The following EPHA5 variants were observed in gnomAD, a reference collection of about 807,000 sequenced individuals.
The protein encoded by EPHA5 is ephrin type-A receptor 5.
Under a neutral mutation model 105.0 loss-of-function variants are expected in EPHA5, and 60 were observed. That is an observed-to-expected ratio of 0.57 (90% CI 0.46 to 0.71). The LOEUF (loss-of-function observed/expected upper bound fraction) is 0.71. Among genes scored for constraint, EPHA5 ranks in the 30% least tolerant of loss-of-function variants. The pLI, the probability that EPHA5 is intolerant of heterozygous loss-of-function variation, is 0.00. For synonymous variants in EPHA5, 513 were observed against 449.1 expected (o/e 1.14, Z -1.80); for missense variants, 1,218 against 1,274.7 (o/e 0.96, Z 0.68).
intron 5 of EPHA5, among the ~76,000 whole-genome samples, chr4:65,437,807 AG>A (rs1304198650): frequency 6.6e-6 from 1 of 151,948 alleles, no homozygotes; most frequent in Non-Finnish European, 1.5e-5. Flanking sequence ...ACAATGTCAT[AG>A]GGATTTAATA....
At chr4:65,444,892 TAAAAAA>T (rs1429960167) in intron 5 of EPHA5, among the ~76,000 whole-genome samples, 7 of 152,014 alleles carry the variant, frequency 4.6e-5, no homozygotes, top group Non-Finnish European at 1.0e-4. Context: ...CCTGGGTACC[TAAAAAA>T]ATTGATATTT....
intron 3 of EPHA5, among the ~76,000 whole-genome samples, chr4:65,531,722 T>C (rs1009170395): frequency 6.6e-6 from 1 of 151,218 alleles, no homozygotes; most frequent in African/African-American, 2.5e-5. Context: ...AGGAATCTGA[T>C]CATAAAGAGG....
rs559464477 is a variant in EPHA5, at chr4:65,547,889, T to C, written c.911-52346A>G. ...GAAGGCAATCTTATATAGAATTCTG[T>C]TCAGCTTCAGATTATCAAAATTCCT... On this transcript the variant is annotated intron_variant, in intron 3 of 16. Coordinates refer to ENST00000613740, the MANE Select transcript of EPHA5 (RefSeq NM_001281766.3). Among the ~76,000 whole-genome samples, 26 of 152,018 alleles carry C rather than the reference T, an allele frequency of 1.7e-4. 1 individual carries two copies. The highest frequency in any genetic ancestry group is 3.4e-4 in the Non-Finnish European group (23 of 67,998).
intron 3 of EPHA5, among the ~76,000 whole-genome samples, chr4:65,509,072 A>C (rs1219255668): frequency 6.6e-6 from 1 of 152,134 alleles, no homozygotes; most frequent in Non-Finnish European, 1.5e-5. Context: ...TGGCTAATGA[A>C]GTTCATTTGG....
chr4:65,568,484 T>C (rs1215584544), intron 3 of EPHA5, among the ~76,000 whole-genome samples: 1 of 151,364 alleles, frequency 6.6e-6, no homozygotes, highest in Non-Finnish European at 1.5e-5. Context: ...ATATAAATTA[T>C]ACACAAATGT....
chr4:65,416,235 A>G (rs928693326), intron 6 of EPHA5, among the ~76,000 whole-genome samples: 1 of 152,108 alleles, frequency 6.6e-6, no homozygotes, highest in African/African-American at 2.4e-5. Context: ...AATATAAACA[A>G]TTAAAAGAAG....
rs183652484 is a variant in EPHA5 at position 65,597,309 on chromosome 4, C to T, written c.910+4332G>A. Among the ~76,000 whole-genome samples, 130 of 152,218 alleles carry T rather than the reference C, an allele frequency of 8.5e-4. 1 individual carries two copies. The highest frequency in any genetic ancestry group is 2.9e-3 in the African/African-American group (120 of 41,540). On this transcript the variant is annotated intron_variant, in intron 3 of 16. Coordinates refer to ENST00000613740, the MANE Select transcript of EPHA5 (RefSeq NM_001281766.3). Reference sequence around the variant, plus strand: ...CAACTGATGAAGATTAGTGGTCTTGCCTTGCATCTAAGTAAGTCAGCAACA... The same window carrying T: ...CAACTGATGAAGATTAGTGGTCTTGTCTTGCATCTAAGTAAGTCAGCAACA...
rs1240408723 is a variant in EPHA5 at position 65,353,123 on chromosome 4, A to T, written c.2174-20T>A. ...GTTTACCTGAAAAGAAAACAGAGTG[A>T]TATAACCTGCTGCTCTTCGATTTTG... On this transcript the variant is annotated intron_variant, in intron 11 of 16. Transcript: ENST00000613740. The T allele has an allele frequency of 1.5e-5, 22 of 1,496,932 alleles. No individual in the cohort carries two copies. The highest frequency in any genetic ancestry group is 2.0e-5 in the Non-Finnish European group (22 of 1,118,826). The allele number at this position is 1,496,932 out of a possible 1,614,324, so 92.7% of individuals were successfully genotyped here.
intron 16 of EPHA5, chr4:65,331,210 C>G (rs1720582733): frequency 9.7e-7 from 1 of 1,029,974 alleles, no homozygotes; most frequent in Non-Finnish European, 1.2e-6. Flanking sequence ...TTAATGTAAT[C>G]TAGATGGAAC....
chr4:65,388,219 G>T lies in EPHA5; in HGVS notation c.1793+16155C>A, dbSNP rs1045489725. Reference sequence around the variant, plus strand: ...CATTTTCTTAATCCAGTCTATCATTGTTGGACATTTGGGTTGGTTCCAAGT... The same window carrying T: ...CATTTTCTTAATCCAGTCTATCATTTTTGGACATTTGGGTTGGTTCCAAGT... On this transcript the variant is annotated intron_variant, in intron 8 of 16. Coordinates refer to ENST00000613740, the MANE Select transcript of EPHA5 (RefSeq NM_001281766.3). Among the ~76,000 whole-genome samples the T allele has an allele frequency of 6.0e-5, 9 of 149,686 alleles. No individual in the cohort carries two copies. In the East Asian group the frequency reaches 1.0e-3, roughly 17 times the overall value.
At chr4:65,503,190 G>A (rs951279710) in intron 3 of EPHA5, among the ~76,000 whole-genome samples, 5 of 151,696 alleles carry the variant, frequency 3.3e-5, no homozygotes, top group African/African-American at 1.2e-4. Flanking sequence ...CCTGAGTGAT[G>A]GGATCATGGT....
intron 8 of EPHA5, among the ~76,000 whole-genome samples, chr4:65,385,729 T>C (rs1231829576): frequency 2.0e-5 from 3 of 151,910 alleles, no homozygotes; most frequent in Admixed American, 1.3e-4. Context: ...TGTGTATAAA[T>C]GTATGTGTGT....
chr4:65,475,494 C>T (rs1729708012), intron 5 of EPHA5, among the ~76,000 whole-genome samples: 1 of 152,112 alleles, frequency 6.6e-6, no homozygotes. Flanking sequence ...ATCTACACAG[C>T]ACACTAAGAA....
chr4:65,617,575 G>T (rs2149470145), intron 2 of EPHA5, among the ~76,000 whole-genome samples: 1 of 152,232 alleles, frequency 6.6e-6, no homozygotes, highest in Middle Eastern at 3.4e-3. Flanking sequence ...CCTTTTCCTA[G>T]AAGTAATTTG....
At chr4:65,384,316 C>T (rs1719877077) in intron 8 of EPHA5, among the ~76,000 whole-genome samples, 1 of 151,974 alleles carries the variant, frequency 6.6e-6, no homozygotes, top group African/African-American at 2.4e-5. Context: ...CTTCTATTCT[C>T]ACACTGATTT....
At chr4:65,333,828 C>T (rs899463752) in intron 15 of EPHA5, among the ~76,000 whole-genome samples, 6 of 151,458 alleles carry the variant, frequency 4.0e-5, no homozygotes, top group East Asian at 2.0e-4. Context: ...CAGAGAAATA[C>T]GGCCCCAGGT....
chr4:65,368,251 C>T (rs974499884), intron 8 of EPHA5, among the ~76,000 whole-genome samples: 7 of 152,138 alleles, frequency 4.6e-5, no homozygotes, highest in East Asian at 3.9e-4. Context: ...TATTTCTATC[C>T]GTTTAATTAA....
At chr4:65,522,316 G>GTGTATATATATATATATATATACA (rs777066757) in intron 3 of EPHA5, among the ~76,000 whole-genome samples, 5 of 142,860 alleles carry the variant, frequency 3.5e-5, no homozygotes, top group African/African-American at 1.1e-4. Context: ...ATATATATAT[G>GTGTATATATATATATATATATACA]TATATATATA....
At chr4:65,520,634 A>G (rs1734602510) in intron 3 of EPHA5, among the ~76,000 whole-genome samples, 1 of 152,200 alleles carries the variant, frequency 6.6e-6, no homozygotes, top group Non-Finnish European at 1.5e-5. Flanking sequence ...CTCATCTGAG[A>G]AAGGACTAAT....
Sources: allele counts gnomAD v4.1 joint callset (sites outside exome capture counted in the v4.1 genomes callset), GRCh38; gene constraint gnomAD v4.1.1; transcripts MANE v1.5; gene names NCBI Gene and HGNC (gene_info 2026-07-23, HGNC 2026-07-21).